SNAP25: variants seen among roughly 807,000 people sequenced by gnomAD.
The protein encoded by SNAP25 is synaptosome associated protein 25.
SNAP25 carries 3 observed loss-of-function variants against 28.7 expected under a neutral mutation model. That is an observed-to-expected ratio of 0.10 (90% confidence interval 0.05 to 0.27). SNAP25 has a LOEUF of 0.27. SNAP25 is among the 10% of genes least tolerant of loss of function. The pLI is 1.00. For missense variants in SNAP25, 117 were observed against 278.7 expected, an observed-to-expected ratio of 0.42 and a Z score of 4.13; for synonymous variants, 61 against 88.1, an observed-to-expected ratio of 0.69 and a Z score of 1.72.
chr20:10,236,476 G>A (rs946058868), intron 1 of SNAP25, among the ~76,000 whole-genome samples: 4 of 152,084 alleles, frequency 2.6e-5, no homozygotes, highest in African/African-American at 9.7e-5. Context: ...GCCTGTCTTG[G>A]TAAAGACGAT....
intron 1 of SNAP25, among the ~76,000 whole-genome samples, chr20:10,236,649 A>G (rs2062927089): frequency 6.6e-6 from 1 of 152,076 alleles, no homozygotes; most frequent in South Asian, 2.1e-4. Context: ...GGAGGAGGCA[A>G]TGGAAAAAAA....
At chr20:10,246,605 A>G (rs563521530) in intron 1 of SNAP25, among the ~76,000 whole-genome samples, 4 of 152,250 alleles carry the variant, frequency 2.6e-5, no homozygotes, top group Non-Finnish European at 5.9e-5. Flanking sequence ...TGAAAACTAC[A>G]TGCTTGCTAA....
chr20:10,242,403 C>T (rs1043263761), intron 1 of SNAP25, among the ~76,000 whole-genome samples: 1 of 152,090 alleles, frequency 6.6e-6, no homozygotes, highest in Admixed American at 6.6e-5. Flanking sequence ...TTAGAAACTC[C>T]CAGTAGGGGA....
At chr20:10,227,101 G>C (rs1390911155) in intron 1 of SNAP25, among the ~76,000 whole-genome samples, 1 of 152,074 alleles carries the variant, frequency 6.6e-6, no homozygotes, top group Non-Finnish European at 1.5e-5. Context: ...ATTAAACAAA[G>C]TTCAGTGATT....
chr20:10,258,849 C>T (rs1165784587), intron 1 of SNAP25, among the ~76,000 whole-genome samples: 1 of 152,176 alleles, frequency 6.6e-6, no homozygotes, highest in African/African-American at 2.4e-5. Context: ...GACACTTTGG[C>T]CAGGGACCTT....
chr20:10,258,118 A>C (rs2063352813), intron 1 of SNAP25, among the ~76,000 whole-genome samples: 1 of 152,072 alleles, frequency 6.6e-6, no homozygotes, highest in Non-Finnish European at 1.5e-5. Context: ...CAGGGTCCAG[A>C]CTCTGTGAAG....
chr20:10,301,852 A>T (rs1232526956), intron 7 of SNAP25, among the ~76,000 whole-genome samples: 5 of 146,020 alleles, frequency 3.4e-5, no homozygotes, highest in Non-Finnish European at 7.5e-5. Flanking sequence ...ATATATAAAT[A>T]AATAACTATA....
At chr20:10,253,717 C>T (rs555908141) in intron 1 of SNAP25, among the ~76,000 whole-genome samples, 9 of 152,252 alleles carry the variant, frequency 5.9e-5, no homozygotes, top group Admixed American at 2.6e-4. Flanking sequence ...TTCCCCTTTG[C>T]GGTGTCACCC....
chr20:10,284,720 G>A lies in SNAP25; in HGVS notation c.115-4G>A, dbSNP rs1289496049. ...TCAACTTTGCTACCATTATTGGAAT[G>A]TAGAGTAAAGATGCTGGTATCAGGA... On this transcript the variant is annotated splice_polypyrimidine_tract_variant and splice_region_variant and intron_variant, in intron 3 of 7. Coordinates refer to ENST00000254976, the MANE Select transcript of SNAP25 (RefSeq NM_130811.4). 4 of 1,611,664 alleles carry A rather than the reference G, an allele frequency of 2.5e-6. No individual in the cohort carries two copies. In the African/African-American group the frequency reaches 4.0e-5, roughly 16 times the overall value.
chr20:10,278,271 A>C (rs1280126887), intron 3 of SNAP25, among the ~76,000 whole-genome samples: 1 of 152,260 alleles, frequency 6.6e-6, no homozygotes, highest in Non-Finnish European at 1.5e-5. Context: ...AAGTCCAATA[A>C]TATAAATACA....
chr20:10,283,962 T>G (rs1164165829), intron 3 of SNAP25, among the ~76,000 whole-genome samples: 9 of 152,188 alleles, frequency 5.9e-5, no homozygotes, highest in Admixed American at 4.6e-4. Context: ...TTTGGTTTAT[T>G]TGAACAGTAA....
intron 1 of SNAP25, among the ~76,000 whole-genome samples, chr20:10,246,176 C>A (rs190187275): frequency 5.3e-5 from 8 of 152,350 alleles, no homozygotes; most frequent in African/African-American, 1.9e-4. Flanking sequence ...ATTTCTGAGC[C>A]ATTATGTTTC....
At chr20:10,242,329 C>A (rs1404073189) in intron 1 of SNAP25, among the ~76,000 whole-genome samples, 1 of 152,182 alleles carries the variant, frequency 6.6e-6, no homozygotes, top group African/African-American at 2.4e-5. Flanking sequence ...GCTGCCTTGA[C>A]ACTCGGAGTG....
At chr20:10,236,703 G>A (rs1366303924) in intron 1 of SNAP25, among the ~76,000 whole-genome samples, 2 of 152,052 alleles carry the variant, frequency 1.3e-5, no homozygotes, top group Non-Finnish European at 2.9e-5. Context: ...TGGAAAACAA[G>A]CCAAGCAACT....
chr20:10,274,767 C>T (rs111456137), intron 1 of SNAP25, among the ~76,000 whole-genome samples: 8 of 152,114 alleles, frequency 5.3e-5, no homozygotes, highest in Non-Finnish European at 8.8e-5. Flanking sequence ...GGCGTGAACC[C>T]GGGAGGCAGA....
rs367722771 is a variant in SNAP25 at position 10,306,093 on chromosome 20, G to A, written c.553-36G>A. 3.7e-6 allele frequency: 6 copies of A among 1,606,796 alleles called. No individual in the cohort carries two copies. The African/African-American group carries it at 8.0e-5, about 22-fold the overall frequency. Reference sequence around the variant, plus strand: ...AGAAGGGTGAATGGATTTTTAAGGGGTAACCTGAGTTCTGTTTCTTTTCCC... The same window carrying A: ...AGAAGGGTGAATGGATTTTTAAGGGATAACCTGAGTTCTGTTTCTTTTCCC... On this transcript the variant is annotated intron_variant, in intron 7 of 7. Transcript: ENST00000254976.
At chr20:10,263,390 G>A (rs893626340) in intron 1 of SNAP25, among the ~76,000 whole-genome samples, 1 of 152,104 alleles carries the variant, frequency 6.6e-6, no homozygotes, top group Non-Finnish European at 1.5e-5. Flanking sequence ...AACCCCTAAG[G>A]GAGCTGAGCA....
intron 1 of SNAP25, among the ~76,000 whole-genome samples, chr20:10,228,677 A>G (rs946456715): frequency 2.0e-5 from 3 of 152,154 alleles, no homozygotes; most frequent in Admixed American, 6.5e-5. Flanking sequence ...GCTGCCATGC[A>G]TATATGTCAA....
At chr20:10,262,537 GGTTT>G (rs550197194) in intron 1 of SNAP25, among the ~76,000 whole-genome samples, 94 of 152,232 alleles carry the variant, frequency 6.2e-4, no homozygotes, top group East Asian at 4.4e-3. Context: ...CTGATTCAGT[GGTTT>G]GTTGATTCCT....
Sources: allele counts gnomAD v4.1 joint callset (sites outside exome capture counted in the v4.1 genomes callset), GRCh38; gene constraint gnomAD v4.1.1; transcripts MANE v1.5; gene names NCBI Gene and HGNC (gene_info 2026-07-23, HGNC 2026-07-21).